The following CHN2 variants were observed in gnomAD, a reference collection of about 807,000 sequenced individuals.
CHN2 encodes chimerin 2.
In CHN2, 35 loss-of-function variants were observed where a neutral mutation model predicts 56.3. The observed-to-expected ratio is 0.62, with a 90% CI of 0.47 to 0.82. CHN2 has a LOEUF of 0.82. Among genes scored for constraint, CHN2 ranks in the 40% least tolerant of loss-of-function variants. The pLI, the probability that CHN2 is intolerant of heterozygous loss-of-function variation, is 0.00. For missense variants in CHN2, 491 were observed against 580.5 expected, an observed-to-expected ratio of 0.85 and a Z score of 1.58; for synonymous variants, 210 against 212.8, an observed-to-expected ratio of 0.99 and a Z score of 0.12.
intron 6 of CHN2, among the ~76,000 whole-genome samples, chr7:29,464,468 G>A (rs1338762725): frequency 6.6e-6 from 1 of 152,174 alleles, no homozygotes; most frequent in Non-Finnish European, 1.5e-5. Context: ...AGGTTGATAG[G>A]TGCAGCAAAC....
intron 1 of CHN2, among the ~76,000 whole-genome samples, chr7:29,304,919 G>A (rs1794022164): frequency 6.6e-6 from 1 of 152,216 alleles, no homozygotes; most frequent in Non-Finnish European, 1.5e-5. Context: ...CTGAGATTGT[G>A]GCCTTAGGGG....
intron 9 of CHN2, among the ~76,000 whole-genome samples, chr7:29,503,885 C>G (rs1164768300): frequency 6.6e-6 from 1 of 152,154 alleles, no homozygotes; most frequent in Non-Finnish European, 1.5e-5. Context: ...AAACCCAGTC[C>G]TTTATCCCTG....
intron 2 of CHN2, among the ~76,000 whole-genome samples, chr7:29,163,230 C>G (rs1795437098): frequency 6.6e-6 from 1 of 152,074 alleles, no homozygotes; most frequent in Non-Finnish European, 1.5e-5. Flanking sequence ...GTTATTAAAT[C>G]TAAGACGTGC....
At chr7:29,409,141 A>G (rs1205347795) in intron 6 of CHN2, among the ~76,000 whole-genome samples, 1 of 152,158 alleles carries the variant, frequency 6.6e-6, no homozygotes, top group Non-Finnish European at 1.5e-5. Context: ...CCTTCTCTGC[A>G]TAAGCACGTG....
chr7:29,246,769 C>T (rs977452607), intron 1 of CHN2, among the ~76,000 whole-genome samples: 5 of 152,212 alleles, frequency 3.3e-5, no homozygotes, highest in African/African-American at 1.2e-4. Flanking sequence ...TGAGAGCCTT[C>T]TTCCTCATAG....
chr7:29,364,707 C>T (rs564127835), intron 2 of CHN2, among the ~76,000 whole-genome samples: 3 of 152,168 alleles, frequency 2.0e-5, no homozygotes, highest in Admixed American at 6.5e-5. Context: ...CTCTTCCTCA[C>T]GTATTAAAAG....
At chr7:29,405,317 A>G (rs1399429760) in intron 6 of CHN2, among the ~76,000 whole-genome samples, 1 of 152,056 alleles carries the variant, frequency 6.6e-6, no homozygotes, top group Middle Eastern at 3.2e-3. Flanking sequence ...TTTAACGAAG[A>G]GTCTGTGTTT....
intron 6 of CHN2, among the ~76,000 whole-genome samples, chr7:29,418,147 A>G (rs1803964382): frequency 6.6e-6 from 1 of 152,256 alleles, no homozygotes; most frequent in South Asian, 2.1e-4. Flanking sequence ...GACAGACTTC[A>G]GAGGCAGACA....
At chr7:29,453,685 AC>A (rs1784555190) in intron 6 of CHN2, among the ~76,000 whole-genome samples, 1 of 152,174 alleles carries the variant, frequency 6.6e-6, no homozygotes, top group Admixed American at 6.5e-5. Context: ...TTGAAACCTA[AC>A]TAGGTCATTC....
intron 1 of CHN2, among the ~76,000 whole-genome samples, chr7:29,322,468 C>G (rs921980990): frequency 6.6e-6 from 1 of 152,216 alleles, no homozygotes; most frequent in Admixed American, 6.5e-5. Flanking sequence ...AATAAAACTT[C>G]TCTTTCTCCT....
intron 3 of CHN2, among the ~76,000 whole-genome samples, chr7:29,370,359 TGA>T (rs1799510330): frequency 6.6e-6 from 1 of 152,190 alleles, no homozygotes; most frequent in African/African-American, 2.4e-5. Flanking sequence ...CCTTTCTGTG[TGA>T]GTTTGTGGCC....
At chr7:29,460,283 T>C (rs2128137040) in intron 6 of CHN2, among the ~76,000 whole-genome samples, 1 of 152,296 alleles carries the variant, frequency 6.6e-6, no homozygotes, top group Middle Eastern at 3.4e-3. Flanking sequence ...GGCTCCACTT[T>C]AAGAGGGCAA....
chr7:29,346,275 G>T (rs145339196), intron 1 of CHN2, among the ~76,000 whole-genome samples: 32 of 152,306 alleles, frequency 2.1e-4, no homozygotes, highest in African/African-American at 7.7e-4. Flanking sequence ...CATAATGTAT[G>T]TATCAAAGAC....
At chr7:29,189,655 CAGAA>C (rs917618614) in intron 2 of CHN2, among the ~76,000 whole-genome samples, 1 of 152,146 alleles carries the variant, frequency 6.6e-6, no homozygotes, top group African/African-American at 2.4e-5. Context: ...TCTCTTCAAA[CAGAA>C]AGAAAAACTC....
intron 1 of CHN2, among the ~76,000 whole-genome samples, chr7:29,221,455 T>C (rs1036492214): frequency 2.6e-5 from 4 of 152,218 alleles, no homozygotes; most frequent in African/African-American, 9.6e-5. Context: ...GTAAATCTTT[T>C]TTTTTCCTTC....
chr7:29,211,062 T>TG (rs1418401113), intron 1 of CHN2, among the ~76,000 whole-genome samples: 2 of 76,566 alleles, frequency 2.6e-5, no homozygotes, highest in African/African-American at 1.0e-4. Flanking sequence ...GTGTTTTGTT[T>TG]TTTTTTTTGT....
intron 7 of CHN2, among the ~76,000 whole-genome samples, chr7:29,488,623 A>G (rs1361406368): frequency 6.6e-6 from 1 of 152,234 alleles, no homozygotes; most frequent in Non-Finnish European, 1.5e-5. Flanking sequence ...TAATAAAATG[A>G]CAAATTGAGG....
intron 2 of CHN2, among the ~76,000 whole-genome samples, chr7:29,160,227 T>G (rs893248951): frequency 6.6e-6 from 1 of 152,168 alleles, no homozygotes; most frequent in Non-Finnish European, 1.5e-5. Context: ...CCACCCACAG[T>G]GTGTGAAGTT....
intron 2 of CHN2, among the ~76,000 whole-genome samples, chr7:29,364,562 G>A (rs962404835): frequency 6.6e-6 from 1 of 152,186 alleles, no homozygotes; most frequent in Admixed American, 6.5e-5. Flanking sequence ...CTGCTAAAAA[G>A]CAGCTTAGTA....
Sources: gnomAD v4.1 joint callset for allele counts (sites outside exome capture counted in the v4.1 genomes callset) on GRCh38, gnomAD v4.1.1 for gene constraint, MANE v1.5 for transcripts, NCBI Gene and HGNC (gene_info 2026-07-23, HGNC 2026-07-21) for gene names.